The following BCR variants were observed in gnomAD, a reference collection of about 807,000 sequenced individuals.
The protein encoded by BCR is breakpoint cluster region protein.
In BCR, 58 loss-of-function variants were observed where a neutral mutation model predicts 138.6. The observed-to-expected ratio is 0.42, with a 90% CI of 0.34 to 0.52. The LOEUF (loss-of-function observed/expected upper bound fraction) is 0.52, where lower values mean the gene tolerates loss of function less well. BCR is among the 20% of genes least tolerant of loss of function. BCR has a pLI of 0.06. For missense variants in BCR, 1,599 were observed against 1,727.2 expected (o/e 0.93, Z 1.32); for synonymous variants, 786 against 730.1 (o/e 1.08, Z -1.23).
intron 4 of BCR, among the ~76,000 whole-genome samples, chr22:23,262,251 C>A (rs914612621): frequency 7.9e-5 from 12 of 152,224 alleles, no homozygotes; most frequent in African/African-American, 2.9e-4. Flanking sequence ...CATGTGATTC[C>A]TTAAAAGCCC....
chr22:23,260,859 TCAA>T (rs775739799), intron 2 of BCR, 88 bp from the exon 3 acceptor site: 50 of 1,232,532 alleles, frequency 4.1e-5, no homozygotes, highest in Middle Eastern at 4.5e-4. Flanking sequence ...TGTCCAGAGG[TCAA>T]CAAGCTGGCC....
chr22:23,315,033 C>A (rs1290237498), intron 22 of BCR, among the ~76,000 whole-genome samples: 1 of 152,174 alleles, frequency 6.6e-6, no homozygotes, highest in Non-Finnish European at 1.5e-5. Context: ...CCAGTCTGGG[C>A]AATGTGGCAA....
rs116943773 is a variant in BCR, at chr22:23,231,115, C to G, written c.1280-22684C>G. The stretch of plus-strand genomic sequence containing the variant: ...AACAGTTTGGCATGTGGTAGATGCT[C>G]GGGAAATGGAAGCTGCCCTTTTTTC... On this transcript the variant is annotated intron_variant, in intron 1 of 22. Transcript: ENST00000305877. Among the ~76,000 whole-genome samples, 1,335 of 152,140 alleles carry G rather than the reference C, an allele frequency of 8.8e-3. 17 individuals are homozygous for G. Among genetic ancestry groups the G allele is most frequent in the Non-Finnish European group, 0.012 (841 of 67,994 alleles).
chr22:23,219,904 C>CCTGCACCAT (rs3055954), intron 1 of BCR, among the ~76,000 whole-genome samples: 91,190 of 151,532 alleles, frequency 0.6, 28,056 homozygotes, highest in African/African-American at 0.73. Flanking sequence ...ATGCCTCCTT[C>CCTGCACCAT]CTGGGCTCCC....
chr22:23,216,316 C>G (rs182854657), intron 1 of BCR, among the ~76,000 whole-genome samples: 1 of 152,218 alleles, frequency 6.6e-6, no homozygotes, highest in Non-Finnish European at 1.5e-5. Flanking sequence ...TAACCTCAGA[C>G]GCAGTAATTC....
chr22:23,235,215 G>A (rs1447767262), intron 1 of BCR, among the ~76,000 whole-genome samples: 1 of 144,278 alleles, frequency 6.9e-6, no homozygotes, highest in East Asian at 1.9e-4. Context: ...AGCCTCCCAA[G>A]TAGCTGGGAT....
chr22:23,269,792 T>G (rs775515453), intron 5 of BCR, among the ~76,000 whole-genome samples: 1 of 152,130 alleles, frequency 6.6e-6, no homozygotes, highest in Non-Finnish European at 1.5e-5. Flanking sequence ...CAAGTGACCT[T>G]GACAAATCAG....
At chr22:23,296,430 G>A (rs2073846500) in intron 16 of BCR, among the ~76,000 whole-genome samples, 1 of 150,532 alleles carries the variant, frequency 6.6e-6, no homozygotes, top group Non-Finnish European at 1.5e-5. Context: ...GGGAGAGGGT[G>A]GCTCTTCCCT....
chr22:23,193,192 C>T (rs1361118383), intron 1 of BCR, among the ~76,000 whole-genome samples: 1 of 152,226 alleles, frequency 6.6e-6, no homozygotes, highest in Non-Finnish European at 1.5e-5. Flanking sequence ...AGATTTTCTG[C>T]ACATGACGAG....
At chr22:23,253,698 T>C in intron 1 of BCR, 101 bp from the exon 2 acceptor site, 5 of 1,406,056 alleles carry the variant, frequency 3.6e-6, no homozygotes, top group Middle Eastern at 1.8e-4. Flanking sequence ...GAGATGCCTG[T>C]TGGGGACAGA....
At chr22:23,231,854 G>A (rs2072963136) in intron 1 of BCR, among the ~76,000 whole-genome samples, 1 of 152,182 alleles carries the variant, frequency 6.6e-6, no homozygotes. Flanking sequence ...CAGGTGTTGG[G>A]GGGTGGCACG....
At chr22:23,259,755 A>G (rs2073336399) in intron 2 of BCR, among the ~76,000 whole-genome samples, 1 of 152,134 alleles carries the variant, frequency 6.6e-6, no homozygotes, top group Non-Finnish European at 1.5e-5. Flanking sequence ...TCCTGGCCTC[A>G]GGTGATCTGC....
chr22:23,249,078 A>G (rs1355214819), intron 1 of BCR, among the ~76,000 whole-genome samples: 1 of 151,998 alleles, frequency 6.6e-6, no homozygotes, highest in Non-Finnish European at 1.5e-5. Flanking sequence ...TTGAGGCCAG[A>G]GTTTAAGATC....
At chr22:23,211,858 T>C (rs1829473097) in intron 1 of BCR, among the ~76,000 whole-genome samples, 1 of 152,152 alleles carries the variant, frequency 6.6e-6, no homozygotes, top group Admixed American at 6.5e-5. Context: ...CTGGTGGAGC[T>C]GTTCTCACTC....
chr22:23,273,907 C>T (rs1049009001), intron 8 of BCR, 133 bp downstream of exon 8: 26 of 1,288,890 alleles, frequency 2.0e-5, no homozygotes, highest in African/African-American at 1.0e-4. Context: ...TGAGATTGGC[C>T]GCACACTCAG....
At chr22:23,218,713 AG>A in intron 1 of BCR, among the ~76,000 whole-genome samples, 1 of 152,194 alleles carries the variant, frequency 6.6e-6, no homozygotes, top group East Asian at 1.9e-4. Flanking sequence ...CCTCATAGTG[AG>A]GACCCATGGG....
At chr22:23,220,374 G>A (rs1304511827) in intron 1 of BCR, among the ~76,000 whole-genome samples, 1 of 152,196 alleles carries the variant, frequency 6.6e-6, no homozygotes, top group Non-Finnish European at 1.5e-5. Flanking sequence ...GTCAGGGAAT[G>A]GCCTCTGTGT....
chr22:23,302,127 G>A (rs5759692), intron 16 of BCR, among the ~76,000 whole-genome samples: 12,947 of 151,998 alleles, frequency 0.085, 591 homozygotes, highest in East Asian at 0.16. Context: ...CAAGAAGGGA[G>A]GTGGGGACCT....
chr22:23,195,639 C>T (rs532914394), intron 1 of BCR, among the ~76,000 whole-genome samples: 15 of 152,252 alleles, frequency 9.9e-5, no homozygotes, highest in African/African-American at 2.9e-4. Flanking sequence ...GTAATCCCAG[C>T]ACTTTGGGAG....
Sources: gnomAD v4.1 joint callset for allele counts (sites outside exome capture counted in the v4.1 genomes callset) on GRCh38, gnomAD v4.1.1 for gene constraint, MANE v1.5 for transcripts, NCBI Gene and HGNC (gene_info 2026-07-23, HGNC 2026-07-21) for gene names.